Variants in SORBS2 observed in about 807,000 individuals in gnomAD.
The protein encoded by SORBS2 is sorbin and SH3 domain containing 2, also known as sorbin and SH3 domain-containing protein 2.
Under a neutral mutation model 97.7 loss-of-function variants are expected in SORBS2, and 46 were observed. The observed-to-expected ratio is 0.47, with a 90% CI of 0.37 to 0.60. SORBS2 has a LOEUF of 0.60. Among genes scored for constraint, SORBS2 ranks in the 20% least tolerant of loss-of-function variants. SORBS2 has a pLI of 0.00. For missense variants in SORBS2, 1,316 were observed against 1,282.3 expected (o/e 1.03, Z -0.40); for synonymous variants, 476 against 473.4 (o/e 1.01, Z -0.07).
At chr4:185,620,135 T>G in exon 8 of SORBS2, 2 of 1,609,718 alleles carry the variant, frequency 1.2e-6, no homozygotes, top group Non-Finnish European at 1.7e-6. Context: ...ATGAGTAACT[T>G]CTAGGGGACT....
intron 1 of SORBS2, among the ~76,000 whole-genome samples, chr4:185,805,609 G>T (rs1270798596): frequency 2.6e-5 from 4 of 152,092 alleles, no homozygotes. Context: ...GCGTAAACTG[G>T]TTTAAGCCTG....
At chr4:185,810,046 T>G (rs2099173169) in intron 1 of SORBS2, among the ~76,000 whole-genome samples, 1 of 152,244 alleles carries the variant, frequency 6.6e-6, no homozygotes, top group Non-Finnish European at 1.5e-5. Context: ...ATATTTTTGC[T>G]CATAGAATTG....
At chr4:185,665,397 A>G (rs1244084791) in intron 4 of SORBS2, among the ~76,000 whole-genome samples, 1 of 152,242 alleles carries the variant, frequency 6.6e-6, no homozygotes, top group Non-Finnish European at 1.5e-5. Flanking sequence ...AAATTTTTTG[A>G]AAAATTTTAG....
chr4:185,706,822 T>C (rs888503961), intron 2 of SORBS2, among the ~76,000 whole-genome samples: 1 of 152,242 alleles, frequency 6.6e-6, no homozygotes, highest in Admixed American at 6.5e-5. Context: ...TTCATCTATA[T>C]TGTTGGTTAT....
At chr4:185,943,370 A>G (rs761682443) in intron 1 of SORBS2, among the ~76,000 whole-genome samples, 12 of 152,222 alleles carry the variant, frequency 7.9e-5, no homozygotes, top group Non-Finnish European at 1.3e-4. Flanking sequence ...CTGCAGCATC[A>G]CTGAATTCTG....
At chr4:185,763,905 G>GA (rs2098919310) in intron 2 of SORBS2, among the ~76,000 whole-genome samples, 1 of 152,066 alleles carries the variant, frequency 6.6e-6, no homozygotes, top group African/African-American at 2.4e-5. Flanking sequence ...AAAACAAATA[G>GA]AAAAAATTGG....
chr4:185,901,521 A>G (rs2099247778), intron 1 of SORBS2, among the ~76,000 whole-genome samples: 1 of 152,180 alleles, frequency 6.6e-6, no homozygotes. Context: ...AAAATTTATA[A>G]TAAAATAAAC....
At chr4:185,792,632 T>C (rs1260699554) in intron 1 of SORBS2, among the ~76,000 whole-genome samples, 1 of 151,962 alleles carries the variant, frequency 6.6e-6, no homozygotes, top group African/African-American at 2.4e-5. Context: ...AGAAAAAAAA[T>C]TGTTGACATC....
chr4:185,633,448 T>C (rs577994924), intron 4 of SORBS2, among the ~76,000 whole-genome samples: 2 of 151,204 alleles, frequency 1.3e-5, no homozygotes, highest in Non-Finnish European at 3.0e-5. Context: ...GATCAACTAC[T>C]GGCAAAGTGC....
At chr4:185,613,878 A>G (rs926071398) in intron 11 of SORBS2, among the ~76,000 whole-genome samples, 2 of 152,088 alleles carry the variant, frequency 1.3e-5, no homozygotes, top group Non-Finnish European at 2.9e-5. Flanking sequence ...CTGATGATGC[A>G]GAATTAAGAC....
intron 1 of SORBS2, among the ~76,000 whole-genome samples, chr4:185,922,795 A>C (rs2099261525): frequency 6.6e-6 from 1 of 152,212 alleles, no homozygotes; most frequent in Non-Finnish European, 1.5e-5. Context: ...TCCTTTAAAA[A>C]TTGACATGCT....
chr4:185,893,503 A>G (rs1187724443), intron 1 of SORBS2, among the ~76,000 whole-genome samples: 1 of 152,210 alleles, frequency 6.6e-6, no homozygotes, highest in Non-Finnish European at 1.5e-5. Context: ...TCTGGAATAG[A>G]TAGCGTAGAG....
intron 1 of SORBS2, among the ~76,000 whole-genome samples, chr4:185,809,454 G>GGAA (rs1561169566): frequency 5.9e-4 from 2 of 3,410 alleles, no homozygotes; most frequent in Non-Finnish European, 1.0e-3. Flanking sequence ...CACTGCATTT[G>GGAA]CAAAAAAAAA....
chr4:185,872,186 A>G (rs927874637), intron 1 of SORBS2, among the ~76,000 whole-genome samples: 17 of 152,196 alleles, frequency 1.1e-4, no homozygotes, highest in Non-Finnish European at 1.3e-4. Context: ...CTGGGGAGAA[A>G]TCCAGGGGAA....
chr4:185,654,776 A>T (rs754995168), intron 1 of SORBS2, among the ~76,000 whole-genome samples: 1 of 150,338 alleles, frequency 6.7e-6, no homozygotes, highest in East Asian at 2.0e-4. Flanking sequence ...ATCATTTTGC[A>T]TGAAAAATAG....
chr4:185,624,001 G>A (rs370175673), exon 7 of SORBS2: 34 of 1,614,190 alleles, frequency 2.1e-5, no homozygotes, highest in Non-Finnish European at 2.4e-5. Flanking sequence ...TGGACTTCAC[G>A]GAGCAGATCA....
intron 11 of SORBS2, among the ~76,000 whole-genome samples, chr4:185,613,455 C>A (rs183436739): frequency 4.3e-4 from 66 of 152,124 alleles, no homozygotes; most frequent in Middle Eastern, 3.4e-3. Flanking sequence ...CGAGACCAGC[C>A]TGGCCAACAT....
At chr4:185,907,007 G>A (rs1412705542) in intron 1 of SORBS2, among the ~76,000 whole-genome samples, 4 of 152,074 alleles carry the variant, frequency 2.6e-5, no homozygotes, top group South Asian at 2.1e-4. Context: ...GTGGTGGTGC[G>A]AGCCTGTAAT....
rs770675280 is a variant in SORBS2, at chr4:185,714,058, A to G, written c.-197-35236T>C. ...TATCCTTAAGTATAATGAAAAAATT[A>G]CTTTCCTGGTGATAACATAACCTTC... On this transcript the variant is annotated intron_variant, in intron 2 of 20. Coordinates refer to the SORBS2 transcript ENST00000284776. 8.0e-4 allele frequency among the ~76,000 whole-genome samples: 122 copies of G among 152,348 alleles called. 2 individuals are homozygous for G. The highest frequency in any genetic ancestry group is 1.4e-3 in the Non-Finnish European group (93 of 68,036).
Sources: gnomAD v4.1 joint callset for allele counts (sites outside exome capture counted in the v4.1 genomes callset) on GRCh38, gnomAD v4.1.1 for gene constraint, MANE v1.5 for transcripts, NCBI Gene and HGNC (gene_info 2026-07-23, HGNC 2026-07-21) for gene names.